ENOX1: variants seen among roughly 807,000 people sequenced by gnomAD.
ENOX1 encodes the protein ecto-NOX disulfide-thiol exchanger 1.
In ENOX1, 42 loss-of-function variants were observed where a neutral mutation model predicts 82.5. The observed-to-expected ratio is 0.51, with a 90% CI of 0.40 to 0.66. ENOX1 has a LOEUF of 0.66. Among genes scored for constraint, ENOX1 ranks in the 30% least tolerant of loss-of-function variants. The pLI is 0.00. For missense variants in ENOX1, 608 were observed against 811.6 expected (o/e 0.75, Z 3.05); for synonymous variants, 271 against 282.2 (o/e 0.96, Z 0.40).
At chr13:43,768,760 TG>T (rs1951427821) in intron 1 of ENOX1, among the ~76,000 whole-genome samples, 1 of 152,250 alleles carries the variant, frequency 6.6e-6, no homozygotes, top group Non-Finnish European at 1.5e-5. Context: ...ATGTTTCTCA[TG>T]CTCATGAATA....
At chr13:43,444,265 A>G (rs905867067) in intron 3 of ENOX1, among the ~76,000 whole-genome samples, 1 of 152,180 alleles carries the variant, frequency 6.6e-6, no homozygotes, top group African/African-American at 2.4e-5. Context: ...TCTGCGAGGA[A>G]TTTGCTCTGA....
chr13:43,610,022 TTCTCA>T (rs1260359268), intron 2 of ENOX1: 1 of 306,824 alleles, frequency 3.3e-6, no homozygotes, highest in African/African-American at 2.3e-5. Context: ...ATTTTGCACC[TTCTCA>T]TAAGTATAAA....
chr13:43,219,075 T>A (rs377048620), intron 16 of ENOX1, among the ~76,000 whole-genome samples: 41 of 152,214 alleles, frequency 2.7e-4, no homozygotes, highest in African/African-American at 9.9e-4. Flanking sequence ...CCTTTCCTCA[T>A]CTCCTGCACG....
At chr13:43,628,588 A>T (rs780522466) in intron 2 of ENOX1, among the ~76,000 whole-genome samples, 108 of 152,206 alleles carry the variant, frequency 7.1e-4, no homozygotes, top group Non-Finnish European at 1.3e-3. Context: ...TAATTCTGAC[A>T]GTCATCCCAA....
intron 11 of ENOX1, among the ~76,000 whole-genome samples, chr13:43,315,892 A>G (rs757712027): frequency 3.3e-5 from 5 of 152,214 alleles, no homozygotes; most frequent in Admixed American, 6.5e-5. Context: ...AGAACACATA[A>G]TAAACTGTAA....
At chr13:43,442,438 A>G (rs1430725570) in intron 3 of ENOX1, among the ~76,000 whole-genome samples, 1 of 152,152 alleles carries the variant, frequency 6.6e-6, no homozygotes, top group Non-Finnish European at 1.5e-5. Flanking sequence ...TGCTGTGCCC[A>G]CCACTGGGAG....
chr13:43,735,924 C>G (rs2089606840), intron 1 of ENOX1, among the ~76,000 whole-genome samples: 1 of 152,156 alleles, frequency 6.6e-6, no homozygotes, highest in African/African-American at 2.4e-5. Context: ...AGGAAGAATC[C>G]TTGCTTCTGG....
At chr13:43,723,558 A>G (rs932778280) in intron 1 of ENOX1, among the ~76,000 whole-genome samples, 1 of 152,174 alleles carries the variant, frequency 6.6e-6, no homozygotes, top group Non-Finnish European at 1.5e-5. Flanking sequence ...TCTTATATTC[A>G]TTTCAAGTAG....
At chr13:43,590,773 C>CT (rs1370740344) in intron 2 of ENOX1, among the ~76,000 whole-genome samples, 1 of 34,322 alleles carries the variant, frequency 2.9e-5, no homozygotes, top group African/African-American at 1.2e-4. Flanking sequence ...GAAACTTCAT[C>CT]TCAAAAAAAA....
intron 14 of ENOX1, among the ~76,000 whole-genome samples, chr13:43,250,404 G>A (rs2043384837): frequency 6.6e-6 from 1 of 152,198 alleles, no homozygotes; most frequent in Non-Finnish European, 1.5e-5. Context: ...TGACTGCTCT[G>A]TGATCCAATG....
chr13:43,344,026 A>G (rs1256063409), intron 9 of ENOX1, among the ~76,000 whole-genome samples: 1 of 152,216 alleles, frequency 6.6e-6, no homozygotes, highest in Non-Finnish European at 1.5e-5. Context: ...TGAAGAAAGG[A>G]CAAAAAAATC....
chr13:43,330,870 G>A (rs1243165299), intron 9 of ENOX1, among the ~76,000 whole-genome samples: 1 of 152,176 alleles, frequency 6.6e-6, no homozygotes, highest in East Asian at 1.9e-4. Context: ...ACACATATAT[G>A]TATATATTCT....
chr13:43,247,852 TA>T (rs56937261), intron 14 of ENOX1, among the ~76,000 whole-genome samples: 137 of 2,826 alleles, frequency 0.048, 25 homozygotes, highest in African/African-American at 0.06. Flanking sequence ...TATATATATA[TA>T]TATATATATA....
chr13:43,624,219 A>G (rs1200776248), intron 2 of ENOX1, among the ~76,000 whole-genome samples: 2 of 152,294 alleles, frequency 1.3e-5, no homozygotes, highest in African/African-American at 4.8e-5. Flanking sequence ...CCATCTCTAT[A>G]TACTCTTCAG....
chr13:43,241,388 A>G (rs185801172), intron 14 of ENOX1, among the ~76,000 whole-genome samples: 81 of 152,336 alleles, frequency 5.3e-4, no homozygotes, highest in Middle Eastern at 3.4e-3. Context: ...ATTACAAAGT[A>G]GAAGTGAGTG....
intron 5 of ENOX1, among the ~76,000 whole-genome samples, chr13:43,386,076 G>C (rs977392649): frequency 6.6e-6 from 1 of 152,202 alleles, no homozygotes; most frequent in Non-Finnish European, 1.5e-5. Flanking sequence ...TGAGGCAGGA[G>C]AATCAATTGA....
At chr13:43,617,905 T>A (rs1036439999) in intron 2 of ENOX1, among the ~76,000 whole-genome samples, 126 of 152,194 alleles carry the variant, frequency 8.3e-4, no homozygotes, top group Non-Finnish European at 1.4e-3. Flanking sequence ...TTGTTGTTGT[T>A]GTTGTTGTTG....
At chr13:43,476,321 C>G (rs1050450365) in intron 3 of ENOX1, among the ~76,000 whole-genome samples, 1 of 151,970 alleles carries the variant, frequency 6.6e-6, no homozygotes, top group African/African-American at 2.4e-5. Context: ...GTACCAGACA[C>G]TAAACAACAT....
At chr13:43,312,121 C>G (rs2047237466) in intron 11 of ENOX1, among the ~76,000 whole-genome samples, 1 of 152,150 alleles carries the variant, frequency 6.6e-6, no homozygotes, top group African/African-American at 2.4e-5. Flanking sequence ...AGCAGCTCAC[C>G]TGATCATTAT....
Sources: allele counts gnomAD v4.1 joint callset (sites outside exome capture counted in the v4.1 genomes callset), GRCh38; gene constraint gnomAD v4.1.1; transcripts MANE v1.5; gene names NCBI Gene and HGNC (gene_info 2026-07-23, HGNC 2026-07-21).